Variants in DRC1 observed in about 807,000 individuals in gnomAD.
The protein encoded by DRC1 is dynein regulatory complex protein 1.
DRC1 carries 74 observed loss-of-function variants against 98.7 expected under a neutral mutation model. The ratio of observed to expected loss-of-function variants is 0.75; its 90% CI spans 0.62 to 0.91. The LOEUF (loss-of-function observed/expected upper bound fraction) is 0.91, where lower values mean the gene tolerates loss of function less well. Ranked by LOEUF, DRC1 falls within the 40% of genes least tolerant of loss-of-function variation. The pLI is 0.00. For synonymous variants in DRC1, 336 were observed against 334.1 expected (o/e 1.01, Z -0.06); for missense variants, 875 against 886.0 (o/e 0.99, Z 0.16).
intron 3 of DRC1, among the ~76,000 whole-genome samples, chr2:26,423,078 C>A (rs535910327): frequency 6.6e-6 from 1 of 152,062 alleles, no homozygotes; most frequent in African/African-American, 2.4e-5. Flanking sequence ...CTTTTATTCT[C>A]GAAACTTCCC....
rs746519879 is a variant in DRC1 at position 26,419,135 on chromosome 2, C to T, written c.244-2153C>T. ...AACTCCTGGCCTCAGGTGAACCGCC[C>T]GTGTTGGCCTCCCAAATTGCTGGGA... On this transcript the variant is annotated intron_variant, in intron 2 of 16. Transcript: ENST00000288710. Among the ~76,000 whole-genome samples, 10 of 151,922 alleles carry T rather than the reference C, an allele frequency of 6.6e-5. No individual in the cohort carries two copies. In the Middle Eastern group the frequency reaches 0.01, roughly 155 times the overall value.
chr2:26,438,801 C>T (rs1663639180), intron 7 of DRC1, among the ~76,000 whole-genome samples: 1 of 152,088 alleles, frequency 6.6e-6, no homozygotes, highest in Non-Finnish European at 1.5e-5. Context: ...GTCTGTAGTC[C>T]AGCAGAGGGA....
chr2:26,454,685 G>C lies in DRC1; in HGVS notation c.1958G>C (p.Arg653Pro). The C allele has an allele frequency of 6.2e-7, 1 of 1,614,152 alleles. No individual in the cohort carries two copies. Among genetic ancestry groups the C allele is most frequent in the Non-Finnish European group, 8.5e-7 (1 of 1,180,028 alleles). ...RAPLRVQKNVRDNSKDSEYWQ... is the reference protein window; with the variant it reads ...RAPLRVQKNVPDNSKDSEYWQ... ...CCGCTGAGGGTACAGAAGAATGTGC[G>C]TGACAACTCCAAGGACTCGGAGTAC... Residue 653 changes from arginine to proline, a missense_variant, in exon 15 of 17, where the codon CGT becomes CCT. Physicochemically the swap from Arg to Pro is moderately radical, Grantham distance 103 (BLOSUM62 -2). Coordinates refer to ENST00000288710, the MANE Select transcript of DRC1 (RefSeq NM_145038.5). This position sits in a 1 kb window ranked among gnomAD's most constrained non-coding sequence, Gnocchi z 5.2.
At position 26,456,562 on chromosome 2, in the gene DRC1, G is replaced by A. The variant is rs11886898; in HGVS notation, c.*45G>A. The stretch of plus-strand genomic sequence containing the variant: ...ATGTGTTAGGGCTGGCCTGATGCTG[G>A]TGTCTGTGCCGGAGCCAGCTCATAT... On this transcript the variant is annotated 3_prime_UTR_variant, in exon 17 of 17. Transcript: ENST00000288710. 8.1e-3 allele frequency: 13,024 copies of A among 1,611,374 alleles called. 698 individuals are homozygous for A. In the African/African-American group the frequency reaches 0.13, roughly 16 times the overall value.
chr2:26,452,552 A>T (rs1249366683), intron 13 of DRC1, among the ~76,000 whole-genome samples: 1 of 152,238 alleles, frequency 6.6e-6, no homozygotes, highest in Non-Finnish European at 1.5e-5. Flanking sequence ...TTCTCTAAAT[A>T]TATCTCATTA....
chr2:26,410,864 A>G (rs758895853), intron 1 of DRC1, among the ~76,000 whole-genome samples: 1 of 152,216 alleles, frequency 6.6e-6, no homozygotes, highest in Non-Finnish European at 1.5e-5. Flanking sequence ...GGTCACATAT[A>G]AAAAACAAAA....
chr2:26,453,241 T>C, intron 13 of DRC1, 79 bp from the exon 14 acceptor site: 1 of 1,544,226 alleles, frequency 6.5e-7, no homozygotes, highest in Admixed American at 1.9e-5. Context: ...ACTTTTCTGG[T>C]TTTTCTTCTT....
intron 7 of DRC1, among the ~76,000 whole-genome samples, chr2:26,433,489 T>C (rs968554772): frequency 2.0e-5 from 3 of 152,194 alleles, no homozygotes; most frequent in Admixed American, 6.5e-5. Context: ...TGTAATACAA[T>C]AGCACTATTT....
chr2:26,418,618 A>T (rs1460181546), intron 2 of DRC1, among the ~76,000 whole-genome samples: 3 of 94,374 alleles, frequency 3.2e-5, no homozygotes, highest in Admixed American at 1.5e-4. Flanking sequence ...TAAATTATAT[A>T]TAATATAAAT....
At chr2:26,426,685 C>T (rs1002459051) in intron 4 of DRC1, among the ~76,000 whole-genome samples, 4 of 152,036 alleles carry the variant, frequency 2.6e-5, no homozygotes, top group African/African-American at 9.7e-5. Flanking sequence ...GTTTTGAAAC[C>T]AGGAAATGTG....
chr2:26,440,618 T>C (rs1663694921), intron 8 of DRC1, 101 bp downstream of exon 8: 1 of 1,356,940 alleles, frequency 7.4e-7, no homozygotes, highest in South Asian at 2.1e-5. Flanking sequence ...CCATTAAAAA[T>C]ATAACCAACA....
intron 5 of DRC1, chr2:26,430,349 G>GAGAC: frequency 2.8e-6 from 1 of 356,378 alleles, no homozygotes; most frequent in Non-Finnish European, 5.6e-6. Context: ...CTCTCTCTCG[G>GAGAC]TTGTTAGAGA....
intron 1 of DRC1, among the ~76,000 whole-genome samples, chr2:26,403,062 T>G (rs1232764033): frequency 6.6e-6 from 1 of 152,258 alleles, no homozygotes; most frequent in Non-Finnish European, 1.5e-5. Context: ...CACTGAAATT[T>G]GAATTTCATA....
At chr2:26,446,819 C>T (rs1372142810) in intron 10 of DRC1, among the ~76,000 whole-genome samples, 1 of 152,158 alleles carries the variant, frequency 6.6e-6, no homozygotes, top group African/African-American at 2.4e-5. Flanking sequence ...GAGCCAGGTG[C>T]GATGGCTCAC....
chr2:26,431,733 G>T, intron 6 of DRC1, 151 bp from the exon 7 acceptor site: 3 of 1,213,184 alleles, frequency 2.5e-6, no homozygotes, highest in Non-Finnish European at 3.4e-6. Context: ...TAAAAGCCTT[G>T]GGTATTCAGG....
At chr2:26,438,648 G>A (rs956831711) in intron 7 of DRC1, among the ~76,000 whole-genome samples, 6 of 152,114 alleles carry the variant, frequency 3.9e-5, no homozygotes, top group Non-Finnish European at 8.8e-5. Context: ...GGGGATCGCC[G>A]GATTCCACAG....
chr2:26,445,305 A>G (rs890715398), intron 10 of DRC1, among the ~76,000 whole-genome samples: 6 of 152,208 alleles, frequency 3.9e-5, no homozygotes, highest in African/African-American at 1.4e-4. Context: ...AAATGGTGAT[A>G]TGTTAGATTC....
chr2:26,438,574 G>T (rs1663633807), intron 7 of DRC1, among the ~76,000 whole-genome samples: 1 of 152,144 alleles, frequency 6.6e-6, no homozygotes, highest in African/African-American at 2.4e-5. Context: ...TAATGGAGAT[G>T]AAAAAATCTC....
At chr2:26,426,632 G>C (rs1022183989) in intron 4 of DRC1, among the ~76,000 whole-genome samples, 2 of 152,102 alleles carry the variant, frequency 1.3e-5, no homozygotes, top group African/African-American at 2.4e-5. Context: ...CTCCCAAAAT[G>C]CTGGGATTAC....
Sources: gnomAD v4.1 joint callset for allele counts (sites outside exome capture counted in the v4.1 genomes callset) on GRCh38, gnomAD v4.1.1 for gene constraint, Gnocchi (gnomAD v3.1) non-coding constraint, MANE v1.5 for transcripts, NCBI Gene and HGNC (gene_info 2026-07-23, HGNC 2026-07-21) for gene names.